The following RBFOX1 variants were observed in gnomAD, a reference collection of about 807,000 sequenced individuals.
The protein encoded by RBFOX1 is RNA binding protein fox-1 homolog 1.
Under a neutral mutation model 57.7 loss-of-function variants are expected in RBFOX1, and 8 were observed. The ratio of observed to expected loss-of-function variants is 0.14; its 90% CI spans 0.08 to 0.25. The LOEUF (loss-of-function observed/expected upper bound fraction) is 0.25. RBFOX1 is among the 10% of genes least tolerant of loss of function. RBFOX1 has a pLI of 1.00. For missense variants in RBFOX1, 611 were observed against 548.5 expected, an observed-to-expected ratio of 1.11 and a Z score of -1.14; for synonymous variants, 326 against 222.4, an observed-to-expected ratio of 1.47 and a Z score of -4.15.
intron 2 of RBFOX1, among the ~76,000 whole-genome samples, chr16:5,502,831 C>T (rs1010816953): frequency 2.6e-5 from 4 of 152,132 alleles, no homozygotes. Context: ...TCTCAGGGGA[C>T]CCTGAGAAAT....
chr16:7,680,528 A>G (rs982983808), intron 14 of RBFOX1, among the ~76,000 whole-genome samples: 3 of 152,144 alleles, frequency 2.0e-5, no homozygotes, highest in African/African-American at 7.2e-5. Flanking sequence ...CTCAGATTTC[A>G]TCACAGTCCA....
chr16:7,230,335 G>T (rs571428806), intron 4 of RBFOX1, among the ~76,000 whole-genome samples: 1 of 152,138 alleles, frequency 6.6e-6, no homozygotes, highest in Non-Finnish European at 1.5e-5. Context: ...TAATTACTCC[G>T]TGTGTTGGGG....
intron 3 of RBFOX1, among the ~76,000 whole-genome samples, chr16:6,802,493 T>C (rs950983290): frequency 2.0e-5 from 3 of 152,072 alleles, no homozygotes; most frequent in Non-Finnish European, 4.4e-5. Flanking sequence ...CCTGACCAAT[T>C]TGGCAAAACC....
At chr16:6,194,645 A>G (rs2097168219) in intron 1 of RBFOX1, among the ~76,000 whole-genome samples, 1 of 152,150 alleles carries the variant, frequency 6.6e-6, no homozygotes, top group Non-Finnish European at 1.5e-5. Context: ...TCCTCCAGGC[A>G]TTCTTTCCCT....
intron 14 of RBFOX1, among the ~76,000 whole-genome samples, chr16:7,700,044 GC>G (rs2080152344): frequency 6.6e-6 from 1 of 152,010 alleles, no homozygotes; most frequent in African/African-American, 2.4e-5. Context: ...GGGGTTCAGG[GC>G]CCAGAACCTC....
At chr16:7,524,974 A>C (rs919033559) in intron 5 of RBFOX1, among the ~76,000 whole-genome samples, 3 of 152,216 alleles carry the variant, frequency 2.0e-5, no homozygotes, top group African/African-American at 4.8e-5. Flanking sequence ...TTGGAAAAGG[A>C]TATAAAATGA....
chr16:5,500,331 T>C (rs2043151362), intron 2 of RBFOX1, among the ~76,000 whole-genome samples: 1 of 151,960 alleles, frequency 6.6e-6, no homozygotes, highest in African/African-American at 2.4e-5. Flanking sequence ...CAAGTGATCC[T>C]CCCACCTCAG....
intron 4 of RBFOX1, among the ~76,000 whole-genome samples, chr16:7,357,368 C>G (rs1439800122): frequency 6.6e-6 from 1 of 152,106 alleles, no homozygotes; most frequent in African/African-American, 2.4e-5. Flanking sequence ...ACAAAAGATT[C>G]CAATGAATCA....
At chr16:6,971,023 C>A (rs539387446) in intron 3 of RBFOX1, among the ~76,000 whole-genome samples, 1 of 152,170 alleles carries the variant, frequency 6.6e-6, no homozygotes, top group Non-Finnish European at 1.5e-5. Flanking sequence ...ACAGATATTT[C>A]TTGAGAACCA....
At chr16:6,880,421 C>G (rs547980480) in intron 3 of RBFOX1, among the ~76,000 whole-genome samples, 3 of 152,248 alleles carry the variant, frequency 2.0e-5, no homozygotes, top group East Asian at 3.9e-4. Context: ...ACATGTGACC[C>G]AGGTGCAGCC....
chr16:6,175,764 G>A (rs1421226585), intron 1 of RBFOX1, among the ~76,000 whole-genome samples: 1 of 152,158 alleles, frequency 6.6e-6, no homozygotes, highest in Non-Finnish European at 1.5e-5. Flanking sequence ...TCTGTGGACT[G>A]CACTTTGAGT....
chr16:6,002,074 C>T lies in RBFOX1; in HGVS notation c.351+134739C>T, dbSNP rs558590232. On this transcript the variant is annotated intron_variant, in intron 4 of 19. Coordinates refer to the RBFOX1 transcript ENST00000641259. ...AAATCTTCAAACTCTTGGGCTCAAGCGATTGTCCCTCTTCAGCCTCCCCAG... is the reference window on the plus strand; with the variant it reads ...AAATCTTCAAACTCTTGGGCTCAAGTGATTGTCCCTCTTCAGCCTCCCCAG... Among the ~76,000 whole-genome samples, 168 of 151,230 alleles carry T rather than the reference C, an allele frequency of 1.1e-3. 2 individuals carry two copies. The highest frequency in any genetic ancestry group is 3.7e-3 in the African/African-American group (152 of 41,140).
At chr16:6,894,040 T>C (rs1167185100) in intron 3 of RBFOX1, among the ~76,000 whole-genome samples, 3 of 152,196 alleles carry the variant, frequency 2.0e-5, no homozygotes, top group African/African-American at 7.2e-5. Flanking sequence ...TTATATGGGT[T>C]TTCTTCCTTT....
chr16:6,497,254 G>A (rs1366495760), intron 2 of RBFOX1, among the ~76,000 whole-genome samples: 1 of 152,138 alleles, frequency 6.6e-6, no homozygotes, highest in Non-Finnish European at 1.5e-5. Flanking sequence ...GAGCTTGTGA[G>A]GTGCCTTCCA....
intron 4 of RBFOX1, among the ~76,000 whole-genome samples, chr16:7,355,221 C>T (rs1476888064): frequency 6.6e-6 from 1 of 152,180 alleles, no homozygotes; most frequent in Non-Finnish European, 1.5e-5. Flanking sequence ...GCTCCTCGTC[C>T]TTCTAACCTC....
chr16:5,306,584 G>A (rs780113505), intron 1 of RBFOX1, among the ~76,000 whole-genome samples: 3 of 152,090 alleles, frequency 2.0e-5, no homozygotes, highest in Non-Finnish European at 4.4e-5. Flanking sequence ...CTGGGATTAC[G>A]GTGTGAGTCA....
chr16:6,454,279 A>T (rs1389045905), intron 2 of RBFOX1, among the ~76,000 whole-genome samples: 1 of 152,204 alleles, frequency 6.6e-6, no homozygotes, highest in African/African-American at 2.4e-5. Context: ...TTTTATAATT[A>T]CAGATGGTGG....
At chr16:6,677,718 C>T (rs1459150131) in intron 3 of RBFOX1, among the ~76,000 whole-genome samples, 3 of 152,044 alleles carry the variant, frequency 2.0e-5, no homozygotes, top group African/African-American at 7.2e-5. Flanking sequence ...ATCCTTTTTT[C>T]CTCTTTTGTA....
intron 3 of RBFOX1, among the ~76,000 whole-genome samples, chr16:6,964,985 G>T (rs766979849): frequency 6.6e-6 from 1 of 152,138 alleles, no homozygotes; most frequent in South Asian, 2.1e-4. Flanking sequence ...CCTATCCTAC[G>T]TGCTTCATAA....
Sources: allele counts gnomAD v4.1 joint callset (sites outside exome capture counted in the v4.1 genomes callset), GRCh38; gene constraint gnomAD v4.1.1; transcripts MANE v1.5; gene names NCBI Gene and HGNC (gene_info 2026-07-23, HGNC 2026-07-21).